MYO1D: variants seen among roughly 807,000 people sequenced by gnomAD.
MYO1D encodes the protein myosin ID, also known as unconventional myosin-Id.
MYO1D carries 83 observed loss-of-function variants against 122.0 expected under a neutral mutation model. The observed-to-expected ratio is 0.68, with a 90% confidence interval of 0.57 to 0.82. MYO1D has a LOEUF of 0.82. Among genes scored for constraint, MYO1D ranks in the 40% least tolerant of loss-of-function variants. The probability of loss-of-function intolerance (pLI) is 0.00; values close to 1 mark genes in which losing one functional copy is unlikely to be tolerated. For synonymous variants in MYO1D, 464 were observed against 446.9 expected, an observed-to-expected ratio of 1.04 and a Z score of -0.48; for missense variants, 1,157 against 1,269.5, an observed-to-expected ratio of 0.91 and a Z score of 1.35.
At chr17:32,729,614 A>C (rs1265015485) in intron 14 of MYO1D, among the ~76,000 whole-genome samples, 1 of 152,204 alleles carries the variant, frequency 6.6e-6, no homozygotes, top group Non-Finnish European at 1.5e-5. Context: ...GGCCAAAATC[A>C]GAAAACTAAA....
intron 21 of MYO1D, among the ~76,000 whole-genome samples, chr17:32,583,099 G>C (rs774698614): frequency 6.6e-6 from 1 of 151,994 alleles, no homozygotes; most frequent in Non-Finnish European, 1.5e-5. Flanking sequence ...TATCTTTCTT[G>C]TGTCTGAAAA....
chr17:32,797,052 C>T (rs2090423001), intron 1 of MYO1D, among the ~76,000 whole-genome samples: 2 of 151,872 alleles, frequency 1.3e-5, no homozygotes, highest in Admixed American at 1.3e-4. Flanking sequence ...CTCACTTCAA[C>T]CTCTGCCTCC....
chr17:32,833,337 A>G (rs1256257712), intron 1 of MYO1D, among the ~76,000 whole-genome samples: 2 of 152,226 alleles, frequency 1.3e-5, no homozygotes, highest in African/African-American at 2.4e-5. Flanking sequence ...TCTTCAAAGT[A>G]TAAACACAAT....
intron 21 of MYO1D, among the ~76,000 whole-genome samples, chr17:32,571,404 G>A (rs570779180): frequency 2.0e-5 from 3 of 152,108 alleles, no homozygotes; most frequent in African/African-American, 7.2e-5. Flanking sequence ...CTGCTCCCCT[G>A]GGCTGTTCCC....
intron 1 of MYO1D, among the ~76,000 whole-genome samples, chr17:32,791,321 A>G (rs1469879676): frequency 1.3e-5 from 2 of 148,636 alleles, no homozygotes; most frequent in Non-Finnish European, 3.0e-5. Flanking sequence ...CCGAGATCAC[A>G]CTACTGCATT....
chr17:32,638,588 T>G, intron 20 of MYO1D, 134 bp downstream of exon 20: 1 of 557,978 alleles, frequency 1.8e-6, no homozygotes, highest in Non-Finnish European at 3.2e-6. Context: ...ACAAAACATA[T>G]GACACATAAA....
chr17:32,571,015 G>A (rs1175918027), intron 21 of MYO1D, among the ~76,000 whole-genome samples: 5 of 152,088 alleles, frequency 3.3e-5, no homozygotes, highest in African/African-American at 1.2e-4. Flanking sequence ...AAGTGCTGGA[G>A]GGGGAGTGCT....
At chr17:32,765,497 G>A (rs960111356) in intron 7 of MYO1D, among the ~76,000 whole-genome samples, 5 of 151,532 alleles carry the variant, frequency 3.3e-5, no homozygotes, top group Admixed American at 6.6e-5. Flanking sequence ...TCGCTCTGTC[G>A]CCCAGGCTGG....
intron 19 of MYO1D, among the ~76,000 whole-genome samples, chr17:32,652,932 G>C (rs1404030542): frequency 6.6e-6 from 1 of 152,172 alleles, no homozygotes; most frequent in African/African-American, 2.4e-5. Context: ...ACGAGGTCAG[G>C]AGATCGAGAC....
At chr17:32,668,384 G>A (rs1009875170) in intron 16 of MYO1D, among the ~76,000 whole-genome samples, 1 of 152,194 alleles carries the variant, frequency 6.6e-6, no homozygotes, top group African/African-American at 2.4e-5. Flanking sequence ...TGTGACAAAT[G>A]CCCAGCATTC....
Position 32,876,982 on chromosome 17 carries a change from G to A in MYO1D, c.-110C>T. The A allele has an allele frequency of 1.9e-6, 1 of 513,762 alleles. No individual in the cohort carries two copies. 31.8% of individuals were successfully genotyped at this position (513,762 alleles called of 1,614,324 possible). On this transcript the variant is annotated 5_prime_UTR_variant, in exon 1 of 22. Coordinates refer to ENST00000318217, the MANE Select transcript of MYO1D (RefSeq NM_015194.3). ...GCGAGGCCGCGCCGCGAGGCTACGG[G>A]GAGGGGGCGCGCACGCCGCTCGGCG... is the stretch of plus-strand genomic sequence containing the variant.
At chr17:32,547,131 C>T (rs1328409606) in intron 21 of MYO1D, among the ~76,000 whole-genome samples, 2 of 151,640 alleles carry the variant, frequency 1.3e-5, no homozygotes, top group African/African-American at 4.9e-5. Flanking sequence ...GTCTCAAATT[C>T]CTGGCTTCAA....
chr17:32,654,159 T>C (rs2150950396), intron 18 of MYO1D, among the ~76,000 whole-genome samples: 1 of 152,272 alleles, frequency 6.6e-6, no homozygotes, highest in African/African-American at 2.4e-5. Flanking sequence ...GAGGATAAAG[T>C]GTAGCTCTGG....
chr17:32,502,829 A>G (rs2150853896), intron 21 of MYO1D, among the ~76,000 whole-genome samples: 1 of 152,312 alleles, frequency 6.6e-6, no homozygotes, highest in Non-Finnish European at 1.5e-5. Context: ...TTTAAAGAAA[A>G]GGAAACATCG....
At chr17:32,852,642 C>G (rs2151082566) in intron 1 of MYO1D, among the ~76,000 whole-genome samples, 1 of 152,240 alleles carries the variant, frequency 6.6e-6, no homozygotes, top group East Asian at 1.9e-4. Context: ...GTGGCAAATA[C>G]ATGCATAGTT....
chr17:32,507,355 G>A (rs1414907206), intron 21 of MYO1D, among the ~76,000 whole-genome samples: 1 of 152,158 alleles, frequency 6.6e-6, no homozygotes, highest in Non-Finnish European at 1.5e-5. Context: ...AGTGAGCTGT[G>A]ATTGTGCCAC....
At chr17:32,697,627 G>C (rs548462968) in intron 16 of MYO1D, among the ~76,000 whole-genome samples, 5 of 148,272 alleles carry the variant, frequency 3.4e-5, no homozygotes, top group African/African-American at 1.0e-4. Flanking sequence ...TTCTCCTGGA[G>C]CATGTATTTT....
At chr17:32,739,135 T>C (rs1452330266) in intron 13 of MYO1D, among the ~76,000 whole-genome samples, 1 of 152,188 alleles carries the variant, frequency 6.6e-6, no homozygotes, top group East Asian at 1.9e-4. Context: ...TCTGGTTTCA[T>C]TTTGGGTGCT....
chr17:32,828,828 T>C (rs894314917), intron 1 of MYO1D, among the ~76,000 whole-genome samples: 4 of 152,222 alleles, frequency 2.6e-5, no homozygotes, highest in African/African-American at 9.6e-5. Context: ...CTCTATGGTG[T>C]TGTATTCTGT....
Sources: allele counts gnomAD v4.1 joint callset (sites outside exome capture counted in the v4.1 genomes callset), GRCh38; gene constraint gnomAD v4.1.1; transcripts MANE v1.5; gene names NCBI Gene and HGNC (gene_info 2026-07-23, HGNC 2026-07-21).